STARD9: variants seen among roughly 807,000 people sequenced by gnomAD.
STARD9 encodes the protein StAR related lipid transfer domain containing 9.
STARD9 carries 346 observed loss-of-function variants against 399.8 expected under a neutral mutation model. That is an observed-to-expected ratio of 0.87 (90% CI 0.79 to 0.95). STARD9 has a LOEUF of 0.95. Ranked by LOEUF, STARD9 falls within the 40% of genes least tolerant of loss-of-function variation. The pLI is 0.00. For missense variants in STARD9, 5,832 were observed against 5,667.5 expected (o/e 1.03, Z -0.93); for synonymous variants, 2,203 against 2,143.5 (o/e 1.03, Z -0.77).
At chr15:42,701,904 G>T (rs1023484798) in intron 26 of STARD9, among the ~76,000 whole-genome samples, 1 of 144,066 alleles carries the variant, frequency 6.9e-6, no homozygotes, top group Non-Finnish European at 1.5e-5. Context: ...TGAGGCAGGA[G>T]AATTGCTTGA....
chr15:42,715,081 A>C (rs531877342), intron 26 of STARD9, among the ~76,000 whole-genome samples: 52 of 134,062 alleles, frequency 3.9e-4, no homozygotes, highest in Non-Finnish European at 4.5e-4. Context: ...GTATCAACAA[A>C]AAAAAAAAAA....
At chr15:42,703,018 C>A (rs1040841191) in intron 26 of STARD9, among the ~76,000 whole-genome samples, 1 of 151,880 alleles carries the variant, frequency 6.6e-6, no homozygotes, top group Non-Finnish European at 1.5e-5. Flanking sequence ...TGGTCTTGAA[C>A]TTCTGGCCTC....
At chr15:42,677,733 C>G (rs1390570932) in intron 20 of STARD9, among the ~76,000 whole-genome samples, 1 of 152,206 alleles carries the variant, frequency 6.6e-6, no homozygotes, top group Non-Finnish European at 1.5e-5. Context: ...TTCCCTACCT[C>G]TAAAGAGACG....
At position 42,710,969 on chromosome 15, in the gene STARD9, CT is replaced by C. The variant is rs1170742160; in HGVS notation, c.13285-5696del. ...TGTCCCCGTGTTTTCACATAGCCTT[CT>C]TTTTTTTTTTTAATTTAACTTTTTT... On this transcript the variant is annotated intron_variant, in intron 26 of 32. Transcript: ENST00000290607. Among the ~76,000 whole-genome samples the C allele has an allele frequency of 2.2e-3, 313 of 144,044 alleles. 1 individual carries two copies. Among genetic ancestry groups the C allele is most frequent in the Admixed American group, 2.7e-3 (39 of 14,316 alleles). The allele number at this position is 144,044 out of a possible 152,430, so 94.5% of individuals were successfully genotyped here.
intron 3 of STARD9, among the ~76,000 whole-genome samples, chr15:42,598,292 A>G (rs2058556752): frequency 6.6e-6 from 1 of 151,740 alleles, no homozygotes; most frequent in Non-Finnish European, 1.5e-5. Context: ...CAGCCTCCCA[A>G]AGTGCTGGGA....
At chr15:42,576,180 C>T (rs148380785) in intron 1 of STARD9, among the ~76,000 whole-genome samples, 2 of 152,152 alleles carry the variant, frequency 1.3e-5, no homozygotes, top group African/African-American at 2.4e-5. Context: ...GTGGGCTTCT[C>T]TGCGAAGATG....
chr15:42,716,357 A>T (rs556179118), intron 26 of STARD9, among the ~76,000 whole-genome samples: 1 of 152,088 alleles, frequency 6.6e-6, no homozygotes, highest in Non-Finnish European at 1.5e-5. Flanking sequence ...AGAGCCTCTC[A>T]TGCACTGATC....
At chr15:42,676,051 G>A (rs2060305483) in intron 20 of STARD9, 76 bp downstream of exon 20, 1 of 976,822 alleles carries the variant, frequency 1.0e-6, no homozygotes, top group East Asian at 3.0e-5. Context: ...GGATCAGGGT[G>A]GGGGTGGGGG....
At position 42,719,832 on chromosome 15, in the gene STARD9, C is replaced by T. The variant is rs1221247249; in HGVS notation, c.*258C>T. The T allele has an allele frequency of 1.0e-5, 4 of 400,844 alleles. No homozygotes were observed. The highest frequency in any genetic ancestry group is 4.1e-5 in the African/African-American group (2 of 48,572). 24.8% of individuals were successfully genotyped at this position (400,844 alleles called of 1,614,324 possible). On this transcript the variant is annotated 3_prime_UTR_variant, in exon 33 of 33. Transcript: ENST00000290607. ...TCCAGAGTGAATGCAGCTCCGCTCA[C>T]CTTTTGGATTTCTCACCTTTCTTTC... is the stretch of plus-strand genomic sequence containing the variant.
chr15:42,608,776 G>C (rs1354656577), intron 3 of STARD9, among the ~76,000 whole-genome samples: 2 of 152,204 alleles, frequency 1.3e-5, no homozygotes, highest in Non-Finnish European at 2.9e-5. Context: ...TACTGACCTG[G>C]TAATGTTTAT....
At chr15:42,611,161 G>T (rs1436228077) in intron 3 of STARD9, among the ~76,000 whole-genome samples, 1 of 152,014 alleles carries the variant, frequency 6.6e-6, no homozygotes, top group Non-Finnish European at 1.5e-5. Context: ...GCCAAATCTT[G>T]CCACCACCTG....
intron 3 of STARD9, among the ~76,000 whole-genome samples, chr15:42,631,688 T>C (rs1170253486): frequency 1.3e-5 from 2 of 152,184 alleles, no homozygotes; most frequent in African/African-American, 4.8e-5. Flanking sequence ...GTTTCCAAAA[T>C]TCCTCTTGTT....
At chr15:42,596,280 GT>G (rs1415785462) in intron 3 of STARD9, among the ~76,000 whole-genome samples, 1 of 152,130 alleles carries the variant, frequency 6.6e-6, no homozygotes, top group African/African-American at 2.4e-5. Flanking sequence ...TGTCCTTGAT[GT>G]TACCCCATTT....
intron 3 of STARD9, among the ~76,000 whole-genome samples, chr15:42,590,499 G>T (rs936915148): frequency 6.6e-6 from 1 of 152,126 alleles, no homozygotes; most frequent in Non-Finnish European, 1.5e-5. Flanking sequence ...ACTTTAGGGG[G>T]ATTTAGAGCA....
intron 7 of STARD9, among the ~76,000 whole-genome samples, chr15:42,649,936 G>A (rs1176355573): frequency 2.1e-5 from 3 of 141,228 alleles, no homozygotes; most frequent in Non-Finnish European, 4.5e-5. Context: ...GCGCGATCTC[G>A]ACTCTCCACA....
In STARD9 at chr15:42,695,152, A is replaced by G. The variant is rs1369504068; in HGVS notation, c.12975A>G (p.Ser4325=). The G allele has an allele frequency of 1.2e-5, 19 of 1,529,496 alleles. No individual in the cohort carries two copies. Among genetic ancestry groups the G allele is most frequent in the Admixed American group, 2.0e-5 (1 of 50,482 alleles). The allele number at this position is 1,529,496 out of a possible 1,614,324, so 94.7% of individuals were successfully genotyped here. ...DVVETTRSPE[S]VSRSAHTPSD... Reference sequence around the variant, plus strand: ...TGATCTTCCTCAGGAGCCCAGAGTCAGTGTCAAGGTCAGCTCACACACCCT... The same window carrying G: ...TGATCTTCCTCAGGAGCCCAGAGTCGGTGTCAAGGTCAGCTCACACACCCT... Residue 4325 remains serine (S), a synonymous_variant, in exon 25 of 33, where the codon TCA becomes TCG. Coordinates refer to ENST00000290607, the MANE Select transcript of STARD9 (RefSeq NM_020759.3).
chr15:42,693,279 A>T lies in STARD9; in HGVS notation c.11701A>T (p.Ile3901Phe). 1 of 1,536,746 alleles carries T rather than the reference A, an allele frequency of 6.5e-7. No homozygotes were observed. The highest frequency in any genetic ancestry group is 8.7e-7 in the Non-Finnish European group (1 of 1,146,798). The stretch of plus-strand genomic sequence containing the variant: ...GTTCGTGGACAGGGCCTCCTCCCCA[A>T]TCCTCACTCTTAGTGCCAGCACCCA... ...ALFVDRASSP[I>F]LTLSASTQEP... is the part of the protein sequence containing the mutation. The change falls in exon 23 of 33, where the codon ATC (isoleucine) becomes TTC (phenylalanine). Residue 3901 changes from isoleucine (I) to phenylalanine (F), a missense_variant. Ile to Phe is a conservative substitution (Grantham distance 21). Coordinates refer to ENST00000290607, the MANE Select transcript of STARD9 (RefSeq NM_020759.3).
chr15:42,688,569 C>T lies in STARD9; in HGVS notation c.6991C>T (p.Leu2331=). The T allele has an allele frequency of 1.3e-6, 2 of 1,537,716 alleles. No individual in the cohort carries two copies. Among genetic ancestry groups the T allele is most frequent in the South Asian group, 1.2e-5 (1 of 84,062 alleles). ...EFCTAPLHQD[L]SNTLPLNSPR... ...CTGTACAGCTCCTCTTCACCAAGAC[C>T]TGAGTAATACCTTGCCCTTGAATTC... The change falls in exon 23 of 33, where the codon CTG becomes TTG. Residue 2331 remains leucine (L), a synonymous_variant. Transcript: ENST00000290607.
rs930059583 is a variant in STARD9, at chr15:42,665,338, G to A, written c.1254+8G>A. 1.7e-5 allele frequency: 26 copies of A among 1,535,158 alleles called. No homozygotes were observed. The African/African-American group carries it at 3.0e-4, about 18-fold the overall frequency. ...CTGCTGAGCTTTGAACTGGTATGCAGACAGTCAGAACCTTTCCGTACTTAA... is the reference window on the plus strand; with the variant it reads ...CTGCTGAGCTTTGAACTGGTATGCAAACAGTCAGAACCTTTCCGTACTTAA... On this transcript the variant is annotated splice_region_variant and intron_variant, in intron 14 of 32. Coordinates refer to ENST00000290607, the MANE Select transcript of STARD9 (RefSeq NM_020759.3).
Sources: allele counts gnomAD v4.1 joint callset (sites outside exome capture counted in the v4.1 genomes callset), GRCh38; gene constraint gnomAD v4.1.1; transcripts MANE v1.5; gene names NCBI Gene and HGNC (gene_info 2026-07-23, HGNC 2026-07-21).